Variants in CACNB4 observed in about 807,000 individuals in gnomAD.
The protein encoded by CACNB4 is voltage-dependent L-type calcium channel subunit beta-4.
CACNB4 carries 32 observed loss-of-function variants against 71.2 expected under a neutral mutation model. The ratio of observed to expected loss-of-function variants is 0.45; its 90% CI spans 0.34 to 0.60. The LOEUF is 0.60. CACNB4 is among the 20% of genes least tolerant of loss of function. The pLI, the probability that CACNB4 is intolerant of heterozygous loss-of-function variation, is 0.01. For missense variants in CACNB4, 464 were observed against 647.9 expected, an observed-to-expected ratio of 0.72 and a Z score of 3.08; for synonymous variants, 231 against 236.9, an observed-to-expected ratio of 0.97 and a Z score of 0.23.
intron 2 of CACNB4, among the ~76,000 whole-genome samples, chr2:151,921,173 A>AT (rs2099858911): frequency 1.6e-5 from 1 of 60,972 alleles, no homozygotes; most frequent in African/African-American, 4.2e-5. Flanking sequence ...AAATAAATAA[A>AT]TAAATAAATA....
At chr2:151,872,654 A>G (rs1466308065) in intron 5 of CACNB4, 161 bp from the exon 6 acceptor site, 8 of 516,264 alleles carry the variant, frequency 1.5e-5, no homozygotes, top group Non-Finnish European at 2.4e-5. Context: ...GTTTTCTTTG[A>G]CCTCATTTCT....
intron 12 of CACNB4, among the ~76,000 whole-genome samples, chr2:151,848,389 A>G (rs1210311702): frequency 3.3e-5 from 5 of 152,228 alleles, no homozygotes; most frequent in Admixed American, 2.6e-4. Flanking sequence ...GGCTGTGAAT[A>G]ATGAATGCAC....
At chr2:151,997,676 G>T (rs1682142076) in intron 2 of CACNB4, among the ~76,000 whole-genome samples, 1 of 152,164 alleles carries the variant, frequency 6.6e-6, no homozygotes, top group Non-Finnish European at 1.5e-5. Context: ...GAAGGTCAAG[G>T]AACGAAATTC....
intron 2 of CACNB4, among the ~76,000 whole-genome samples, chr2:151,920,328 T>G (rs543993685): frequency 6.9e-6 from 1 of 144,950 alleles, no homozygotes; most frequent in Admixed American, 6.9e-5. Flanking sequence ...CTTTTTTTTT[T>G]TTTTTTTTTT....
chr2:151,982,409 A>T (rs751137321), intron 2 of CACNB4, among the ~76,000 whole-genome samples: 1 of 152,062 alleles, frequency 6.6e-6, no homozygotes, highest in Non-Finnish European at 1.5e-5. Context: ...CAAGGCGGGC[A>T]GATCACGAGG....
At chr2:152,039,316 C>A (rs1222820697) in intron 2 of CACNB4, among the ~76,000 whole-genome samples, 5 of 151,676 alleles carry the variant, frequency 3.3e-5, no homozygotes, top group African/African-American at 1.2e-4. Context: ...ACTCGGGAGG[C>A]TGAGGCAGAG....
At chr2:151,974,680 C>A (rs758214705) in intron 2 of CACNB4, among the ~76,000 whole-genome samples, 12 of 152,276 alleles carry the variant, frequency 7.9e-5, no homozygotes, top group Non-Finnish European at 1.6e-4. Context: ...TTGGTCTTTT[C>A]CCCAAAACCC....
At chr2:151,982,531 G>A (rs2151751099) in intron 2 of CACNB4, among the ~76,000 whole-genome samples, 1 of 152,122 alleles carries the variant, frequency 6.6e-6, no homozygotes, top group South Asian at 2.1e-4. Context: ...CTACTTGGGA[G>A]GCTGAGGCAG....
chr2:151,976,154 TCC>T (rs914051202), intron 2 of CACNB4, among the ~76,000 whole-genome samples: 1 of 152,240 alleles, frequency 6.6e-6, no homozygotes, highest in African/African-American at 2.4e-5. Flanking sequence ...CTGTGGTTGC[TCC>T]TGCACCCAAC....
At chr2:152,022,627 A>G (rs1461631122) in intron 2 of CACNB4, among the ~76,000 whole-genome samples, 1 of 152,254 alleles carries the variant, frequency 6.6e-6, no homozygotes, top group African/African-American at 2.4e-5. Flanking sequence ...CTTTATTTTA[A>G]TGACCTGCAA....
chr2:151,876,333 G>C, intron 5 of CACNB4, 93 bp downstream of exon 5: 2 of 1,091,056 alleles, frequency 1.8e-6, no homozygotes, highest in Non-Finnish European at 2.6e-6. Flanking sequence ...TTTGCACACA[G>C]AAAAGTATCT....
At chr2:152,035,740 A>G (rs2105216993) in intron 2 of CACNB4, among the ~76,000 whole-genome samples, 1 of 152,022 alleles carries the variant, frequency 6.6e-6, no homozygotes, top group East Asian at 1.9e-4. Flanking sequence ...AGAATAGCTC[A>G]GATTAACCAA....
chr2:151,930,287 C>T (rs2099861321), intron 2 of CACNB4, among the ~76,000 whole-genome samples: 1 of 152,074 alleles, frequency 6.6e-6, no homozygotes, highest in Admixed American at 6.6e-5. Flanking sequence ...GTTGCAAAAG[C>T]TGGCTGGCTT....
intron 2 of CACNB4, among the ~76,000 whole-genome samples, chr2:152,096,077 T>A (rs897061657): frequency 6.6e-6 from 1 of 152,226 alleles, no homozygotes; most frequent in South Asian, 2.1e-4. Context: ...CCTTATCTCA[T>A]CAAAGAAATG....
chr2:151,842,320 C>CTTT (rs35662354), intron 12 of CACNB4, among the ~76,000 whole-genome samples: 1,060 of 67,724 alleles, frequency 0.016, 103 homozygotes, highest in East Asian at 0.039. Context: ...ATATTTGGAT[C>CTTT]TTTTTTTTTT....
intron 2 of CACNB4, among the ~76,000 whole-genome samples, chr2:151,934,114 G>T (rs1310426582): frequency 6.8e-6 from 1 of 146,578 alleles, no homozygotes; most frequent in Non-Finnish European, 1.5e-5. Flanking sequence ...TGCTTTCTAG[G>T]TTGAATAATA....
chr2:152,048,958 G>A (rs949188876), intron 2 of CACNB4, among the ~76,000 whole-genome samples: 1 of 152,190 alleles, frequency 6.6e-6, no homozygotes, highest in South Asian at 2.1e-4. Context: ...GTGCACAAGA[G>A]AGGGCATGAG....
chr2:151,994,519 C>T (rs1212106221), intron 2 of CACNB4, among the ~76,000 whole-genome samples: 4 of 136,902 alleles, frequency 2.9e-5, no homozygotes, highest in African/African-American at 1.1e-4. Flanking sequence ...AGGGTCCCCC[C>T]TTTTTTTTTT....
intron 2 of CACNB4, among the ~76,000 whole-genome samples, chr2:151,908,782 T>C (rs551123223): frequency 6.6e-6 from 1 of 152,302 alleles, no homozygotes; most frequent in South Asian, 2.1e-4. Context: ...GAATACATTT[T>C]CTGACTAAGA....
Sources: allele counts gnomAD v4.1 joint callset (sites outside exome capture counted in the v4.1 genomes callset), GRCh38; gene constraint gnomAD v4.1.1; transcripts MANE v1.5; gene names NCBI Gene and HGNC (gene_info 2026-07-23, HGNC 2026-07-21).